The following TTBK2 variants were observed in gnomAD, a reference collection of about 807,000 sequenced individuals.
The protein encoded by TTBK2 is tau tubulin kinase 2, also known as tau-tubulin kinase 2.
TTBK2 carries 28 observed loss-of-function variants against 110.8 expected under a neutral mutation model. The observed-to-expected ratio is 0.25, with a 90% CI of 0.19 to 0.35. TTBK2 has a LOEUF of 0.35. Ranked by LOEUF, TTBK2 falls within the 10% of genes least tolerant of loss-of-function variation. The pLI, the probability that TTBK2 is intolerant of heterozygous loss-of-function variation, is 1.00. For synonymous variants in TTBK2, 532 were observed against 527.3 expected, an observed-to-expected ratio of 1.01 and a Z score of -0.12; for missense variants, 1,369 against 1,500.3, an observed-to-expected ratio of 0.91 and a Z score of 1.45.
chr15:42,878,798 G>T (rs1430545452), intron 1 of TTBK2, 114 bp from the exon 2 acceptor site: 2 of 1,355,528 alleles, frequency 1.5e-6, no homozygotes, highest in East Asian at 2.6e-5. Context: ...AGGCTATTTT[G>T]TTGGGAAGAA....
At chr15:42,842,116 C>T (rs1893244584) in intron 3 of TTBK2, among the ~76,000 whole-genome samples, 1 of 152,024 alleles carries the variant, frequency 6.6e-6, no homozygotes. Flanking sequence ...AGGCTGGTCT[C>T]AAACTCTGGG....
chr15:42,765,231 C>T (rs1161190364), intron 13 of TTBK2, among the ~76,000 whole-genome samples: 3 of 152,192 alleles, frequency 2.0e-5, no homozygotes, highest in East Asian at 1.9e-4. Context: ...TGCAGCTCCT[C>T]GCCATCAACG....
At position 42,763,176 on chromosome 15, in the gene TTBK2, A is replaced by G. The variant is rs192900742; in HGVS notation, c.1999-9929T>C. ...TATATACATATATATATATATATAT[A>G]TATATATATATATATATTTTTTTTT... On this transcript the variant is annotated intron_variant, in intron 13 of 14. Transcript: ENST00000267890. Among the ~76,000 whole-genome samples the G allele has an allele frequency of 4.2e-3, 69 of 16,472 alleles. 1 individual carries two copies. The highest frequency in any genetic ancestry group is 0.017 in the African/African-American group (62 of 3,612). 10.8% of individuals were successfully genotyped at this position (16,472 alleles called of 152,430 possible).
intron 1 of TTBK2, among the ~76,000 whole-genome samples, chr15:42,880,930 A>T (rs773807699): frequency 1.3e-5 from 2 of 152,154 alleles, no homozygotes; most frequent in African/African-American, 2.4e-5. Flanking sequence ...ATTAAAAAAA[A>T]AATAAAATAA....
Position 42,810,900 on chromosome 15 carries a change from T to C in TTBK2, c.697-161A>G, listed in dbSNP as rs375341820. On this transcript the variant is annotated intron_variant, in intron 8 of 14. Transcript: ENST00000267890. ...CTCTTACTAACAGCTTAATGTACAG[T>C]GTTTTAAAGCGGAAAAAAACTATAA... Among the ~76,000 whole-genome samples, 29 of 152,290 alleles carry C rather than the reference T, an allele frequency of 1.9e-4. No individual in the cohort carries two copies. The East Asian group carries it at 3.5e-3, about 18-fold the overall frequency.
intron 2 of TTBK2, among the ~76,000 whole-genome samples, chr15:42,875,163 T>C (rs1259760552): frequency 6.6e-6 from 1 of 152,146 alleles, no homozygotes; most frequent in Non-Finnish European, 1.5e-5. Context: ...ATAAAACATC[T>C]AGGCTGAAGT....
intron 13 of TTBK2, among the ~76,000 whole-genome samples, chr15:42,762,256 C>T (rs1462258746): frequency 1.3e-5 from 2 of 152,102 alleles, no homozygotes; most frequent in South Asian, 2.1e-4. Flanking sequence ...ATGTAGGTTC[C>T]TCAAAAAACT....
chr15:42,842,244 G>A (rs1893249993), intron 3 of TTBK2, among the ~76,000 whole-genome samples: 1 of 151,936 alleles, frequency 6.6e-6, no homozygotes, highest in Admixed American at 6.6e-5. Context: ...GTCCCTCAAG[G>A]AAATAGAGGA....
At position 42,850,775 on chromosome 15, in the gene TTBK2, G is replaced by A. The variant is rs1185907316; in HGVS notation, c.218-10342C>T. 2.0e-5 allele frequency among the ~76,000 whole-genome samples: 3 copies of A among 151,916 alleles called. No individual in the cohort carries two copies. In the East Asian group the frequency reaches 5.8e-4, roughly 29 times the overall value. On this transcript the variant is annotated intron_variant, in intron 3 of 14. Transcript: ENST00000267890. ...GTGAAAAAAAGTGAAGTTCTTAATT[G>A]TACTTTGCTTCTTGTCTTTGAATCT...
chr15:42,757,274 TA>T (rs57813709), intron 13 of TTBK2, among the ~76,000 whole-genome samples: 11,806 of 144,944 alleles, frequency 0.081, 708 homozygotes, highest in African/African-American at 0.18. Context: ...ACCAGCTAAT[TA>T]AAAAAAAAAA....
chr15:42,766,446 CAAAA>C (rs567972612), intron 13 of TTBK2, among the ~76,000 whole-genome samples: 20 of 30,856 alleles, frequency 6.5e-4, no homozygotes, highest in African/African-American at 2.9e-3. Flanking sequence ...GAATGGAAAG[CAAAA>C]AAAAAAAAAA....
chr15:42,827,760 A>C (rs1198012445), intron 6 of TTBK2, among the ~76,000 whole-genome samples, 168 bp downstream of exon 6: 2 of 152,170 alleles, frequency 1.3e-5, no homozygotes, highest in Non-Finnish European at 1.5e-5. Context: ...TGAAGCCACA[A>C]ATTTCAACAA....
chr15:42,899,487 T>A (rs1341213287), intron 1 of TTBK2, among the ~76,000 whole-genome samples: 1 of 148,674 alleles, frequency 6.7e-6, no homozygotes, highest in Non-Finnish European at 1.5e-5. Context: ...ACGCCTGTAA[T>A]CCCAGCACTT....
At chr15:42,782,966 CCT>C (rs1890243068) in intron 11 of TTBK2, among the ~76,000 whole-genome samples, 1 of 152,116 alleles carries the variant, frequency 6.6e-6, no homozygotes, top group Non-Finnish European at 1.5e-5. Flanking sequence ...ACACTGACTC[CCT>C]GTCTACTTTC....
chr15:42,763,151 T>TATAC (rs1330176027), intron 13 of TTBK2, among the ~76,000 whole-genome samples: 14 of 60,414 alleles, frequency 2.3e-4, no homozygotes, highest in East Asian at 1.1e-3. Context: ...TACATATATA[T>TATAC]ATATACATAT....
rs922229014 is a variant in TTBK2, at chr15:42,919,825, T to C, written c.-68+613A>G. 1.2e-5 allele frequency: 12 copies of C among 985,266 alleles called. No homozygotes were observed. In the East Asian group the frequency reaches 9.1e-4, roughly 74 times the overall value. The allele number at this position is 985,266 out of a possible 1,614,324, so 61.0% of individuals were successfully genotyped here. On this transcript the variant is annotated intron_variant, in intron 1 of 14. Transcript: ENST00000267890. The stretch of plus-strand genomic sequence containing the variant: ...AGAATAAAGTATCCTGGCATCCCAA[T>C]GGATTATTTACTTCTCCGATTTGAC...
In TTBK2 at chr15:42,785,115, ATTTTTTT is replaced by A. The variant is rs199963873; in HGVS notation, c.981-1487_981-1481del. On this transcript the variant is annotated intron_variant, in intron 10 of 14. Coordinates refer to ENST00000267890, the MANE Select transcript of TTBK2 (RefSeq NM_173500.4). ...ATGTGTATTACTTTTTCACTTGCAG[ATTTTTTT>A]TTTTTTTTTTTTTTTGAGACAGAGT... 6.8e-5 allele frequency among the ~76,000 whole-genome samples: 7 copies of A among 102,194 alleles called. No individual in the cohort carries two copies. The South Asian group carries it at 1.0e-3, about 15-fold the overall frequency. 67.0% of individuals were successfully genotyped at this position (102,194 alleles called of 152,430 possible).
At chr15:42,889,703 A>G (rs1895379983) in intron 1 of TTBK2, among the ~76,000 whole-genome samples, 3 of 152,134 alleles carry the variant, frequency 2.0e-5, no homozygotes, top group Admixed American at 1.3e-4. Flanking sequence ...AATTGATACA[A>G]AACCGCATCC....
intron 9 of TTBK2, among the ~76,000 whole-genome samples, chr15:42,806,259 G>C (rs1001618282): frequency 8.5e-5 from 13 of 152,138 alleles, no homozygotes; most frequent in African/African-American, 2.7e-4. Context: ...GCAAGACTAT[G>C]TCTCAAAAAA....
Sources: gnomAD v4.1 joint callset for allele counts (sites outside exome capture counted in the v4.1 genomes callset) on GRCh38, gnomAD v4.1.1 for gene constraint, MANE v1.5 for transcripts, NCBI Gene and HGNC (gene_info 2026-07-23, HGNC 2026-07-21) for gene names.